SPMIP7: variants seen among roughly 807,000 people sequenced by gnomAD.
SPMIP7 encodes the protein sperm microtubule inner protein 7.
the SPMIP7 span, among the ~76,000 whole-genome samples, chr7:50,123,732 A>G: frequency 6.6e-6 from 1 of 152,062 alleles, no homozygotes; most frequent in Non-Finnish European, 1.5e-5. Flanking sequence ...ATAGTTAAAG[A>G]GTCAATTGAT....
At chr7:50,107,362 C>CAAAAAAAAAAAAAAA in the SPMIP7 span, among the ~76,000 whole-genome samples, 5 of 16,652 alleles carry the variant, frequency 3.0e-4, no homozygotes, top group Non-Finnish European at 4.0e-4. Flanking sequence ...GACTCTGTCT[C>CAAAAAAAAAAAAAAA]AAAAAAAAAA....
At chr7:50,139,471 G>A in the SPMIP7 span, among the ~76,000 whole-genome samples, 1 of 152,016 alleles carries the variant, frequency 6.6e-6, no homozygotes, top group South Asian at 2.1e-4. Context: ...ACATGTGAAT[G>A]TTAGTTCTAA....
the SPMIP7 span, among the ~76,000 whole-genome samples, chr7:50,145,309 C>A: frequency 6.6e-6 from 1 of 151,122 alleles, no homozygotes; most frequent in East Asian, 2.0e-4. Flanking sequence ...TGTTTTTATC[C>A]TCTTCAGTAT....
chr7:50,128,606 T>C, the SPMIP7 span, among the ~76,000 whole-genome samples: 1 of 151,986 alleles, frequency 6.6e-6, no homozygotes, highest in Non-Finnish European at 1.5e-5. Flanking sequence ...TATGTATCAA[T>C]ACAAATACAT....
At chr7:50,109,371 ATT>A in the SPMIP7 span, among the ~76,000 whole-genome samples, 1 of 7,754 alleles carries the variant, frequency 1.3e-4, no homozygotes, top group Non-Finnish European at 3.4e-4. Context: ...TAATTTATTT[ATT>A]TATTTATTTA....
chr7:50,104,298 T>C, the SPMIP7 span: 1 of 1,425,892 alleles, frequency 7.0e-7, no homozygotes, highest in Non-Finnish European at 9.5e-7. Context: ...CCCATTCGCT[T>C]TTTTTGTGTT....
At chr7:50,129,837 C>A in the SPMIP7 span, 29 of 1,284,796 alleles carry the variant, frequency 2.3e-5, no homozygotes, top group African/African-American at 1.6e-4. Flanking sequence ...GAATATATTT[C>A]TTTTTCCTTT....
the SPMIP7 span, among the ~76,000 whole-genome samples, chr7:50,130,690 G>A: frequency 6.6e-6 from 1 of 152,052 alleles, no homozygotes; most frequent in Non-Finnish European, 1.5e-5. Context: ...AGGGTAGCAG[G>A]CTTCAGTAAT....
chr7:50,128,062 A>G, the SPMIP7 span, among the ~76,000 whole-genome samples: 1 of 152,034 alleles, frequency 6.6e-6, no homozygotes, highest in Admixed American at 6.6e-5. Flanking sequence ...TGGAATCAAC[A>G]TAAGTGTCCA....
chr7:50,158,073 C>G, the SPMIP7 span, among the ~76,000 whole-genome samples: 1 of 152,188 alleles, frequency 6.6e-6, no homozygotes, highest in African/African-American at 2.4e-5. Context: ...TCACCCTCCC[C>G]CAGCAGCCTC....
At chr7:50,144,926 T>C in the SPMIP7 span, among the ~76,000 whole-genome samples, 1 of 151,698 alleles carries the variant, frequency 6.6e-6, no homozygotes, top group African/African-American at 2.4e-5. Flanking sequence ...GCACTTATAA[T>C]CTGTGTCAAG....
At chr7:50,139,162 A>C in the SPMIP7 span, among the ~76,000 whole-genome samples, 3 of 152,054 alleles carry the variant, frequency 2.0e-5, no homozygotes, top group Admixed American at 2.0e-4. Flanking sequence ...CATCCTGGCC[A>C]ACGTGGTGAA....
the SPMIP7 span, among the ~76,000 whole-genome samples, chr7:50,103,909 G>A: frequency 6.6e-6 from 1 of 152,146 alleles, no homozygotes; most frequent in Non-Finnish European, 1.5e-5. Context: ...TCCAATTACA[G>A]TGTACTAAAT....
chr7:50,135,853 T>A, the SPMIP7 span, among the ~76,000 whole-genome samples: 1 of 152,070 alleles, frequency 6.6e-6, no homozygotes, highest in Non-Finnish European at 1.5e-5. Context: ...ATGAAACAGG[T>A]GGATAATGAG....
the SPMIP7 span, among the ~76,000 whole-genome samples, chr7:50,115,567 C>T: frequency 1.3e-5 from 2 of 152,204 alleles, no homozygotes; most frequent in Non-Finnish European, 2.9e-5. Flanking sequence ...AAGATGTTCT[C>T]GGATTGCAAC....
chr7:50,096,296 C>T, the SPMIP7 span: 16 of 1,551,750 alleles, frequency 1.0e-5, no homozygotes, highest in African/African-American at 1.1e-4. Context: ...TCACCCTTAT[C>T]CCCCTTCAGT....
the SPMIP7 span, among the ~76,000 whole-genome samples, chr7:50,158,661 A>T: frequency 1.3e-5 from 2 of 151,804 alleles, no homozygotes; most frequent in Non-Finnish European, 2.9e-5. Flanking sequence ...TGCCTGTCCC[A>T]TGTCTTGTCC....
chr7:50,136,496 C>T, the SPMIP7 span, among the ~76,000 whole-genome samples: 2 of 152,158 alleles, frequency 1.3e-5, no homozygotes, highest in African/African-American at 4.8e-5. Flanking sequence ...CGCCACTGCA[C>T]TCCAGCCTGG....
At chr7:50,108,919 T>C in the SPMIP7 span, among the ~76,000 whole-genome samples, 2 of 152,172 alleles carry the variant, frequency 1.3e-5, no homozygotes, top group African/African-American at 2.4e-5. Flanking sequence ...AATTGATGTA[T>C]AGTACAAAAC....
Sources: allele counts gnomAD v4.1 joint callset (sites outside exome capture counted in the v4.1 genomes callset), GRCh38; gene constraint gnomAD v4.1.1; transcripts MANE v1.5; gene names NCBI Gene and HGNC (gene_info 2026-07-23, HGNC 2026-07-21).